Variants in MALL observed in about 807,000 individuals in gnomAD.
The protein encoded by MALL is mal, T cell differentiation protein like, also known as MAL-like protein.
A neutral mutation model predicts 10.3 loss-of-function variants in MALL; 2 were observed. That is an observed-to-expected ratio of 0.19 (90% CI 0.08 to 0.61). The LOEUF is 0.61. Among genes scored for constraint, MALL ranks in the 20% least tolerant of loss-of-function variants. MALL has a pLI of 0.88. For missense variants in MALL, 39 were observed against 115.2 expected (o/e 0.34, Z 3.03); for synonymous variants, 27 against 51.8 (o/e 0.52, Z 2.05).
At chr2:110,110,333 A>G (rs1678777866) in intron 1 of MALL, among the ~76,000 whole-genome samples, 1 of 152,274 alleles carries the variant, frequency 6.6e-6, no homozygotes, top group South Asian at 2.1e-4. Flanking sequence ...AAGATTAACC[A>G]AGGAAAGAAG....
chr2:110,094,997 G>A (rs1678412545), intron 1 of MALL, among the ~76,000 whole-genome samples: 2 of 133,244 alleles, frequency 1.5e-5, no homozygotes, highest in South Asian at 5.7e-4. Flanking sequence ...TGGCTTCAGT[G>A]TTGCAGAATC....
intron 1 of MALL, among the ~76,000 whole-genome samples, chr2:110,112,106 T>A (rs1678814723): frequency 6.6e-6 from 1 of 152,106 alleles, no homozygotes; most frequent in South Asian, 2.1e-4. Flanking sequence ...GGACTTAAAC[T>A]TAAGACCTGA....
At chr2:110,092,633 C>A (rs1678394767) in intron 1 of MALL, among the ~76,000 whole-genome samples, 1 of 110,418 alleles carries the variant, frequency 9.1e-6, no homozygotes, top group African/African-American at 2.8e-5. Context: ...TCACGCACAC[C>A]AACATGGCAC....
chr2:110,117,624 TGAGA>T (rs70958730), upstream of MALL, among the ~76,000 whole-genome samples: 4,079 of 122,430 alleles, frequency 0.033, 165 homozygotes, highest in African/African-American at 0.1. Context: ...TGTGTGTGTG[TGAGA>T]GAGAGAGAGA....
At chr2:110,100,473 C>T (rs1285760650) in intron 1 of MALL, among the ~76,000 whole-genome samples, 1 of 47,968 alleles carries the variant, frequency 2.1e-5, no homozygotes, top group African/African-American at 3.0e-5. Context: ...ACTCTGTCCC[C>T]CACCCTAAAA....
At chr2:110,115,545 T>A (rs1263278961) in intron 1 of MALL, 143 bp downstream of exon 1, 2 of 268,168 alleles carry the variant, frequency 7.5e-6, no homozygotes, top group African/African-American at 7.7e-5. Flanking sequence ...TCCCCCCCCC[T>A]CTCTGCAGGT....
At chr2:110,116,086 G>T (rs1357050962), upstream of MALL, 1 of 310,898 alleles carries the variant, frequency 3.2e-6, no homozygotes. Flanking sequence ...CCCGGAGCAT[G>T]TTATTCCAGG....
At chr2:110,115,879 C>T (rs1678909207), upstream of MALL, 9 of 472,810 alleles carry the variant, frequency 1.9e-5, no homozygotes, top group Admixed American at 1.9e-4. Context: ...ACCCATCGGA[C>T]GTCGCCTGGG....
intron 1 of MALL, among the ~76,000 whole-genome samples, chr2:110,106,991 GTATT>G (rs140681927): frequency 6.8e-6 from 1 of 146,190 alleles, no homozygotes; most frequent in African/African-American, 2.5e-5. Context: ...GTGATTTCAT[GTATT>G]TATATAACTT....
chr2:110,114,488 G>A (rs927111108), intron 1 of MALL, among the ~76,000 whole-genome samples: 6 of 151,820 alleles, frequency 4.0e-5, no homozygotes, highest in Non-Finnish European at 2.9e-5. Flanking sequence ...CTGGCACGTA[G>A]GACTCATCAG....
At chr2:110,101,305 T>C (rs1678560279) in intron 1 of MALL, among the ~76,000 whole-genome samples, 1 of 152,130 alleles carries the variant, frequency 6.6e-6, no homozygotes, top group Non-Finnish European at 1.5e-5. Context: ...GCATGAAAGT[T>C]CCACACTCTG....
Position 110,115,679 on chromosome 2 carries a change from C to G in MALL, c.105+9G>C, listed in dbSNP as rs771335587. ...TGCAGGTGGCCCGGGTCGGGGGTGC[C>G]GCACTCACCAGCTCGGGCAGGAAGA... On this transcript the variant is annotated intron_variant, in intron 1 of 3. Transcript: ENST00000272462. 5.5e-6 allele frequency: 7 copies of G among 1,270,512 alleles called. No homozygotes were observed. The highest frequency in any genetic ancestry group is 3.7e-5 in the South Asian group (1 of 26,978). 78.7% of individuals were successfully genotyped at this position (1,270,512 alleles called of 1,614,324 possible).
intron 1 of MALL, among the ~76,000 whole-genome samples, chr2:110,102,581 C>T (rs1306056076): frequency 1.3e-5 from 2 of 152,226 alleles, no homozygotes; most frequent in Non-Finnish European, 2.9e-5. Context: ...GGGACAGACG[C>T]CCATGGAAGT....
intron 1 of MALL, among the ~76,000 whole-genome samples, chr2:110,102,254 C>G (rs1325273801): frequency 6.6e-5 from 10 of 152,164 alleles, no homozygotes; most frequent in Non-Finnish European, 2.9e-5. Context: ...CCCAGTCTAT[C>G]TATGACTAGA....
chr2:110,102,253 T>G (rs1453084151), intron 1 of MALL, among the ~76,000 whole-genome samples: 1 of 152,136 alleles, frequency 6.6e-6, no homozygotes, highest in Admixed American at 6.5e-5. Context: ...CCCCAGTCTA[T>G]CTATGACTAG....
intron 1 of MALL, among the ~76,000 whole-genome samples, chr2:110,104,493 G>T (rs1473592930): frequency 6.6e-6 from 1 of 152,028 alleles, no homozygotes; most frequent in East Asian, 1.9e-4. Context: ...GGCAGAGAGA[G>T]AGTAGGTGCT....
At chr2:110,095,665 C>G (rs1415167380) in intron 1 of MALL, among the ~76,000 whole-genome samples, 4 of 149,764 alleles carry the variant, frequency 2.7e-5, no homozygotes, top group South Asian at 2.1e-4. Context: ...TTTTTTTAAC[C>G]AATAAATCTA....
At chr2:110,110,805 T>G (rs1166501202) in intron 1 of MALL, among the ~76,000 whole-genome samples, 1 of 152,070 alleles carries the variant, frequency 6.6e-6, no homozygotes, top group Admixed American at 6.6e-5. Flanking sequence ...TGAACATAGA[T>G]GCTAAAATCC....
chr2:110,096,767 C>T (rs1678449686), intron 1 of MALL, among the ~76,000 whole-genome samples: 1 of 151,662 alleles, frequency 6.6e-6, no homozygotes, highest in African/African-American at 2.4e-5. Context: ...AATCTGGGGA[C>T]TCACAGACCC....
Sources: allele counts gnomAD v4.1 joint callset (sites outside exome capture counted in the v4.1 genomes callset), GRCh38; gene constraint gnomAD v4.1.1; transcripts MANE v1.5; gene names NCBI Gene and HGNC (gene_info 2026-07-23, HGNC 2026-07-21).